RNF44: variants seen among roughly 807,000 people sequenced by gnomAD.
RNF44 encodes ring finger protein 44.
RNF44 carries 25 observed loss-of-function variants against 53.6 expected under a neutral mutation model. The observed-to-expected ratio is 0.47, with a 90% CI of 0.34 to 0.65. The LOEUF is 0.65. RNF44 is among the 30% of genes least tolerant of loss of function. The pLI is 0.01. For missense variants in RNF44, 581 were observed against 595.5 expected, an observed-to-expected ratio of 0.98 and a Z score of 0.25; for synonymous variants, 282 against 252.2, an observed-to-expected ratio of 1.12 and a Z score of -1.12.
At chr5:176,532,761 A>AG (rs2113146461) in intron 1 of RNF44, among the ~76,000 whole-genome samples, 1 of 149,978 alleles carries the variant, frequency 6.7e-6, no homozygotes, top group African/African-American at 2.5e-5. Flanking sequence ...AAAAAAAAAA[A>AG]AAAAAGAAAG....
Position 176,531,095 on chromosome 5 carries a change from C to T in RNF44, c.466-74G>A. Reference sequence around the variant, plus strand: ...GCCAGGTCTACGCCATGCCACCCAGCAAAAGGCCCCCACCGGGCACACACC... The same window carrying T: ...GCCAGGTCTACGCCATGCCACCCAGTAAAAGGCCCCCACCGGGCACACACC... On this transcript the variant is annotated intron_variant, in intron 4 of 10. Transcript: ENST00000274811. This position sits in a 1 kb window ranked among gnomAD's most constrained non-coding sequence, Gnocchi z 4.2. The T allele has an allele frequency of 8.9e-7, 1 of 1,117,556 alleles. No individual in the cohort carries two copies. The allele number at this position is 1,117,556 out of a possible 1,614,324, so 69.2% of individuals were successfully genotyped here.
chr5:176,538,174 T>C (rs973163081), upstream of RNF44: 2 of 152,346 alleles, frequency 1.3e-5, no homozygotes, highest in Admixed American at 1.3e-4. Flanking sequence ...GCTGCTAGGC[T>C]GGGCTTGAGA....
In RNF44 at chr5:176,532,409, A is replaced by G. The variant is rs752446330; in HGVS notation, c.64T>C (p.Phe22Leu). Residue 22 changes from phenylalanine (F) to leucine (L), a missense_variant, in exon 2 of 11, where the codon TTC (phenylalanine) becomes CTC (leucine). Phe to Leu is a conservative substitution (Grantham distance 22). Transcript: ENST00000274811. ...GGGGTGCTGCCAGGTCCCGCAGAGA[A>G]TCGCCGCTGGCCCACGGGGGCGGAG... ...PPSAPVGQRRFSAGPGSTPGQ... is the reference protein window; with the variant it reads ...PPSAPVGQRRLSAGPGSTPGQ... 1 of 1,607,510 alleles carries G rather than the reference A, an allele frequency of 6.2e-7. No homozygotes were observed. Among genetic ancestry groups the G allele is most frequent in the Admixed American group, 1.7e-5 (1 of 59,802 alleles).
intron 10 of RNF44, 73 bp downstream of exon 10, chr5:176,529,215 G>C (rs779878809): frequency 1.2e-5 from 18 of 1,559,676 alleles, no homozygotes; most frequent in Non-Finnish European, 1.6e-5. Context: ...GACAAGGAGG[G>C]AAACAGCCCA....
intron 2 of RNF44, 76 bp from the exon 3 acceptor site, chr5:176,532,269 G>A: frequency 6.6e-7 from 1 of 1,508,194 alleles, no homozygotes; most frequent in Non-Finnish European, 8.9e-7. Flanking sequence ...AAGCCAGGGT[G>A]ACTCCCCCCA....
In RNF44 at chr5:176,531,993, G is replaced by T; in HGVS notation, c.297+11C>A. ...CAGGGCCAGGGGCACAGGGGATGGG[G>T]TTCTGCCTACCTGCTCGTGGAGATC... is the stretch of plus-strand genomic sequence containing the variant. On this transcript the variant is annotated intron_variant, in intron 3 of 10. Coordinates refer to ENST00000274811, the MANE Select transcript of RNF44 (RefSeq NM_014901.5). The surrounding 1 kb of genome is among the most constrained non-coding windows in gnomAD (Gnocchi z 4.2). The T allele has an allele frequency of 6.2e-7, 1 of 1,605,150 alleles. No individual in the cohort carries two copies. The highest frequency in any genetic ancestry group is 1.1e-5 in the South Asian group (1 of 89,836).
intron 1 of RNF44, among the ~76,000 whole-genome samples, chr5:176,535,573 T>G (rs1373700229): frequency 6.6e-6 from 1 of 152,190 alleles, no homozygotes; most frequent in Admixed American, 6.5e-5. Context: ...AGAACGGAAT[T>G]GGTCCTAGTT....
In RNF44 at chr5:176,526,832, C is replaced by T. The variant is rs1756068645; in HGVS notation, c.*2196G>A. 6.6e-6 allele frequency: 1 copy of T among 152,216 alleles called. No individual in the cohort carries two copies. Among genetic ancestry groups the T allele is most frequent in the South Asian group, 2.1e-4 (1 of 4,828 alleles). The allele number at this position is 152,216 out of a possible 1,614,324, so 9.4% of individuals were successfully genotyped here. A position where few individuals can be genotyped will look rare whatever the true frequency, so the allele number is the denominator to read the frequency against. On this transcript the variant is annotated 3_prime_UTR_variant, in exon 11 of 11. Transcript: ENST00000274811. ...AGCAACTTTCATTTTAAAAAAAGTA[C>T]AAATCTGTTAAAAATTTCAATCAGT... is the stretch of plus-strand genomic sequence containing the variant.
chr5:176,532,197 C>A lies in RNF44; in HGVS notation c.108-4G>T. ...CAGGGGGCCCTCGAGGCCAGGGCTGCACCACAGAGAGGAGGCCCCGATAGG... is the reference window on the plus strand; with the variant it reads ...CAGGGGGCCCTCGAGGCCAGGGCTGAACCACAGAGAGGAGGCCCCGATAGG... On this transcript the variant is annotated splice_region_variant and splice_polypyrimidine_tract_variant and intron_variant, in intron 2 of 10. Coordinates refer to ENST00000274811, the MANE Select transcript of RNF44 (RefSeq NM_014901.5). 1.3e-6 allele frequency: 2 copies of A among 1,513,670 alleles called. No homozygotes were observed. Among genetic ancestry groups the A allele is most frequent in the Admixed American group, 2.3e-5 (1 of 43,052 alleles). 93.8% of individuals were successfully genotyped at this position (1,513,670 alleles called of 1,614,324 possible).
Position 176,532,553 on chromosome 5 carries a change from G to A in RNF44, c.-44-37C>T, listed in dbSNP as rs886155072. 1.6e-5 allele frequency: 23 copies of A among 1,445,940 alleles called. No individual in the cohort carries two copies. The African/African-American group carries it at 3.0e-4, about 19-fold the overall frequency. The allele number at this position is 1,445,940 out of a possible 1,614,324, so 89.6% of individuals were successfully genotyped here. On this transcript the variant is annotated intron_variant, in intron 1 of 10. Coordinates refer to ENST00000274811, the MANE Select transcript of RNF44 (RefSeq NM_014901.5). ...GGAGACAAGAAGACTGAGGCACCTG[G>A]CCAACATGGTGAAACCTCGTCTCTG... is the stretch of plus-strand genomic sequence containing the variant.
rs1383198331 is a variant in RNF44 at position 176,529,380 on chromosome 5, C to T, written c.1144G>A (p.Val382Ile). ...CGCGCCTCGAAGTCACTGAAGCAGACCACACACCTGTGGAGGGGCGCGGAG... is the reference window on the plus strand; with the variant it reads ...CGCGCCTCGAAGTCACTGAAGCAGATCACACACCTGTGGAGGGGCGCGGAG... Reference protein sequence around the residue: ...SHQSEQTLCVVCFSDFEARQL... With the variant: ...SHQSEQTLCVICFSDFEARQL... The change falls in exon 10 of 11, where the codon GTC becomes ATC. Residue 382 changes from valine (V) to isoleucine (I), a missense_variant. Physicochemically the swap from Val to Ile is conservative, Grantham distance 29. Around this residue, in one of 3 missense-constraint regions of RNF44, gnomAD observed 183 missense variants for 198.6 expected, o/e 0.92. Transcript: ENST00000274811. 6.2e-7 allele frequency: 1 copy of T among 1,612,702 alleles called. No individual in the cohort carries two copies. Among genetic ancestry groups the T allele is most frequent in the Non-Finnish European group, 8.5e-7 (1 of 1,179,378 alleles).
chr5:176,528,392 G>A lies in RNF44; in HGVS notation c.*636C>T, dbSNP rs542361503. The A allele has an allele frequency of 6.6e-6, 1 of 152,344 alleles. No individual in the cohort carries two copies. The highest frequency in any genetic ancestry group is 1.5e-5 in the Non-Finnish European group (1 of 68,208). 9.4% of individuals were successfully genotyped at this position (152,344 alleles called of 1,614,324 possible). ...CCTCAGGATACGTGTGCCCCAGCTC[G>A]GGATTAGGCTGGGACGCCCTCCAGC... On this transcript the variant is annotated 3_prime_UTR_variant, in exon 11 of 11. Coordinates refer to ENST00000274811, the MANE Select transcript of RNF44 (RefSeq NM_014901.5).
At position 176,532,482 on chromosome 5, in the gene RNF44, AG is replaced by A. The variant is rs777912137; in HGVS notation, c.-11del. ...GAGCCCATGGTCGCATCGGGGGGGC[AG>A]GGGGGTGGAGGGGCTGGGCCGGGAC... On this transcript the variant is annotated 5_prime_UTR_variant, in exon 2 of 11. Coordinates refer to ENST00000274811, the MANE Select transcript of RNF44 (RefSeq NM_014901.5). 28 of 751,994 alleles carry A rather than the reference AG, an allele frequency of 3.7e-5. No individual in the cohort carries two copies. Among genetic ancestry groups the A allele is most frequent in the East Asian group, 1.2e-4 (3 of 24,030 alleles). The allele number at this position is 751,994 out of a possible 1,614,324, so 46.6% of individuals were successfully genotyped here.
At chr5:176,532,551 T>G in intron 1 of RNF44, 35 bp from the exon 2 acceptor site, 1 of 1,446,474 alleles carries the variant, frequency 6.9e-7, no homozygotes, top group Non-Finnish European at 9.1e-7. Flanking sequence ...CTGAGGCACC[T>G]GGCCAACATG....
upstream of RNF44, among the ~76,000 whole-genome samples, chr5:176,540,745 C>T (rs1244828462): frequency 6.6e-6 from 1 of 152,194 alleles, no homozygotes; most frequent in Non-Finnish European, 1.5e-5. Flanking sequence ...CCCAGGAAAC[C>T]CTCAGTAAAT....
chr5:176,539,195 G>C (rs1312056219), upstream of RNF44, among the ~76,000 whole-genome samples: 6 of 152,192 alleles, frequency 3.9e-5, no homozygotes, highest in African/African-American at 1.2e-4. Flanking sequence ...AGCAACACAA[G>C]AGCAAGGTCA....
In RNF44 at chr5:176,530,994, G is replaced by C; in HGVS notation, c.493C>G (p.Leu165Val). ...PLIQACTMQQ[L>V]PVPYQAYPHL... ...GGGTAGGCCTGATAGGGCACAGGCAGCTGCTGCATGGTGCACGCCTGGATA... is the reference window on the plus strand; with the variant it reads ...GGGTAGGCCTGATAGGGCACAGGCACCTGCTGCATGGTGCACGCCTGGATA... The change falls in exon 5 of 11, where the codon CTG becomes GTG. Residue 165 changes from leucine to valine, a missense_variant. Coordinates refer to ENST00000274811, the MANE Select transcript of RNF44 (RefSeq NM_014901.5). The C allele has an allele frequency of 6.9e-7, 1 of 1,455,134 alleles. No individual in the cohort carries two copies. The highest frequency in any genetic ancestry group is 9.0e-7 in the Non-Finnish European group (1 of 1,106,908). 90.1% of individuals were successfully genotyped at this position (1,455,134 alleles called of 1,614,324 possible).
Position 176,528,825 on chromosome 5 carries a change from TAGGG to T in RNF44, c.*199_*202del, listed in dbSNP as rs1756280464. ...GTGGCGGGCGGGCAGGCAGGCAGACTAGGGAGGGAGTCTTTGGAGCTTGGCAAAT... is the reference window on the plus strand; with the variant it reads ...GTGGCGGGCGGGCAGGCAGGCAGACTAGGGAGTCTTTGGAGCTTGGCAAAT... On this transcript the variant is annotated 3_prime_UTR_variant, in exon 11 of 11. Transcript: ENST00000274811. 3 of 603,632 alleles carry T rather than the reference TAGGG, an allele frequency of 5.0e-6. No homozygotes were observed. Among genetic ancestry groups the T allele is most frequent in the South Asian group, 4.0e-5 (2 of 49,536 alleles). The allele number at this position is 603,632 out of a possible 1,614,324, so 37.4% of individuals were successfully genotyped here. A position where few individuals can be genotyped will look rare whatever the true frequency, so the allele number is the denominator to read the frequency against.
At chr5:176,542,515 G>A (rs565501028), upstream of RNF44, 16 of 152,312 alleles carry the variant, frequency 1.1e-4, no homozygotes, top group African/African-American at 3.9e-4. Flanking sequence ...TTCTGCAAAG[G>A]GGGCAGGAAC....
Sources: allele counts gnomAD v4.1 joint callset (sites outside exome capture counted in the v4.1 genomes callset), GRCh38; gene constraint gnomAD v4.1.1; regional missense constraint gnomAD v4.1.1; non-coding constraint Gnocchi (gnomAD v3.1); transcripts MANE v1.5; gene names NCBI Gene and HGNC (gene_info 2026-07-23, HGNC 2026-07-21).